PRKG1: variants seen among roughly 807,000 people sequenced by gnomAD.
The protein encoded by PRKG1 is protein kinase cGMP-dependent 1, also known as cGMP-dependent protein kinase 1.
Under a neutral mutation model 88.1 loss-of-function variants are expected in PRKG1, and 35 were observed. That is an observed-to-expected ratio of 0.40 (90% CI 0.30 to 0.53). The LOEUF (loss-of-function observed/expected upper bound fraction) is 0.53, where lower values mean the gene tolerates loss of function less well. Among genes scored for constraint, PRKG1 ranks in the 20% least tolerant of loss-of-function variants. PRKG1 has a pLI of 0.59. For synonymous variants in PRKG1, 303 were observed against 292.5 expected, an observed-to-expected ratio of 1.04 and a Z score of -0.37; for missense variants, 540 against 839.8, an observed-to-expected ratio of 0.64 and a Z score of 4.41.
intron 3 of PRKG1, among the ~76,000 whole-genome samples, chr10:51,788,848 A>G (rs1053100447): frequency 2.6e-5 from 4 of 152,284 alleles, no homozygotes; most frequent in Non-Finnish European, 4.4e-5. Context: ...GCTAATAGAC[A>G]TATAATCTTG....
chr10:52,266,420 T>A (rs1364774326), intron 10 of PRKG1, among the ~76,000 whole-genome samples: 1 of 151,898 alleles, frequency 6.6e-6, no homozygotes, highest in African/African-American at 2.4e-5. Context: ...TCCCCCTGTG[T>A]CCATGTGCTC....
intron 2 of PRKG1, among the ~76,000 whole-genome samples, chr10:51,167,251 T>G (rs1846572477): frequency 6.6e-6 from 1 of 152,154 alleles, no homozygotes. Flanking sequence ...GAGGGTAGCA[T>G]TTGAGTTTGA....
chr10:51,058,773 T>C (rs1843662422), intron 1 of PRKG1, among the ~76,000 whole-genome samples: 1 of 152,202 alleles, frequency 6.6e-6, no homozygotes, highest in Non-Finnish European at 1.5e-5. Context: ...CTGTTTTCTT[T>C]TAGAAGCTTA....
chr10:51,702,316 G>A (rs1361815834), intron 3 of PRKG1, among the ~76,000 whole-genome samples: 1 of 152,110 alleles, frequency 6.6e-6, no homozygotes, highest in Non-Finnish European at 1.5e-5. Flanking sequence ...GGACCAGTGT[G>A]ACCCACCATG....
At chr10:51,226,183 G>A (rs1047164744) in intron 2 of PRKG1, among the ~76,000 whole-genome samples, 2 of 152,132 alleles carry the variant, frequency 1.3e-5, no homozygotes. Flanking sequence ...TAGTCTGGGG[G>A]ACAGAGTGAG....
chr10:52,204,620 C>G (rs1839767238), intron 9 of PRKG1, among the ~76,000 whole-genome samples: 1 of 152,110 alleles, frequency 6.6e-6, no homozygotes, highest in Non-Finnish European at 1.5e-5. Context: ...TATCACTTCC[C>G]CAATCAATAC....
intron 1 of PRKG1, among the ~76,000 whole-genome samples, chr10:51,146,820 G>A (rs1845957851): frequency 6.6e-6 from 1 of 152,066 alleles, no homozygotes; most frequent in Admixed American, 6.6e-5. Context: ...AAGAAAATCA[G>A]TATATCAAAG....
At chr10:51,018,400 G>A (rs1245024972) in intron 1 of PRKG1, among the ~76,000 whole-genome samples, 1 of 152,032 alleles carries the variant, frequency 6.6e-6, no homozygotes, top group East Asian at 1.9e-4. Flanking sequence ...TCTTAAGATT[G>A]TCTCTAGTCA....
At chr10:51,276,732 T>C (rs1261667686) in intron 2 of PRKG1, among the ~76,000 whole-genome samples, 2 of 152,238 alleles carry the variant, frequency 1.3e-5, no homozygotes, top group African/African-American at 4.8e-5. Context: ...TGAGCATTTT[T>C]TCATGTGTCT....
At chr10:51,201,165 T>C (rs1448215916) in intron 2 of PRKG1, among the ~76,000 whole-genome samples, 1 of 152,148 alleles carries the variant, frequency 6.6e-6, no homozygotes, top group Non-Finnish European at 1.5e-5. Flanking sequence ...CTAATAAGTA[T>C]AAAAAATATT....
At chr10:51,375,697 A>G (rs960094414) in intron 2 of PRKG1, among the ~76,000 whole-genome samples, 26 of 152,124 alleles carry the variant, frequency 1.7e-4, no homozygotes, top group African/African-American at 5.6e-4. Flanking sequence ...GCTGATTACA[A>G]TCTACTGGAG....
At chr10:51,146,801 T>C (rs1277284301) in intron 1 of PRKG1, among the ~76,000 whole-genome samples, 1 of 152,124 alleles carries the variant, frequency 6.6e-6, no homozygotes, top group African/African-American at 2.4e-5. Flanking sequence ...TGGGTATTTA[T>C]TCAAAGGAAA....
intron 7 of PRKG1, among the ~76,000 whole-genome samples, chr10:52,108,411 T>A (rs1369857776): frequency 6.6e-6 from 1 of 152,210 alleles, no homozygotes; most frequent in Non-Finnish European, 1.5e-5. Flanking sequence ...ATGTACACCA[T>A]GATGACAGGG....
At chr10:51,768,999 T>C (rs12253124) in intron 3 of PRKG1, among the ~76,000 whole-genome samples, 15,269 of 152,238 alleles carry the variant, frequency 0.1, 837 homozygotes, top group African/African-American at 0.13. Flanking sequence ...GATAAAAACC[T>C]AGGACAAAGG....
At chr10:51,909,823 TAAG>T (rs1842176356) in intron 5 of PRKG1, 2 of 152,134 alleles carry the variant, frequency 1.3e-5, no homozygotes, top group African/African-American at 4.8e-5. Context: ...GGTGAAAAGA[TAAG>T]GAGAGAAATG....
chr10:51,958,398 A>G (rs777895426), intron 5 of PRKG1, among the ~76,000 whole-genome samples: 2 of 152,130 alleles, frequency 1.3e-5, no homozygotes, highest in Non-Finnish European at 2.9e-5. Context: ...GTGTGTGTAG[A>G]TGTGTTTTGG....
intron 4 of PRKG1, among the ~76,000 whole-genome samples, chr10:51,884,431 T>C (rs7893289): frequency 0.72 from 66,274 of 91,508 alleles, 24,401 homozygotes; most frequent in African/African-American, 0.86. Flanking sequence ...GGCGACAGAG[T>C]GAAACTCCGT....
intron 5 of PRKG1, among the ~76,000 whole-genome samples, chr10:51,996,314 CAAAAAAAAAAAAAAA>C (rs59174399): frequency 3.3e-5 from 1 of 30,008 alleles, no homozygotes; most frequent in South Asian, 2.6e-3. Flanking sequence ...GACTCCATCT[CAAAAAAAAAAAAAAA>C]AAAAAAAAAA....
intron 3 of PRKG1, among the ~76,000 whole-genome samples, chr10:51,504,054 G>T (rs946606777): frequency 6.6e-6 from 1 of 152,092 alleles, no homozygotes; most frequent in African/African-American, 2.4e-5. Context: ...TATTTATTGG[G>T]ATAATCACTG....
Sources: gnomAD v4.1 joint callset for allele counts (sites outside exome capture counted in the v4.1 genomes callset) on GRCh38, gnomAD v4.1.1 for gene constraint, MANE v1.5 for transcripts, NCBI Gene and HGNC (gene_info 2026-07-23, HGNC 2026-07-21) for gene names.